The following SLC35A3 variants were observed in gnomAD, a reference collection of about 807,000 sequenced individuals.
SLC35A3 encodes solute carrier family 35 member A3.
Under a neutral mutation model 39.0 loss-of-function variants are expected in SLC35A3, and 26 were observed. The ratio of observed to expected loss-of-function variants is 0.67; its 90% CI spans 0.49 to 0.92. The LOEUF is 0.92. Ranked by LOEUF, SLC35A3 falls within the 40% of genes least tolerant of loss-of-function variation. The probability of loss-of-function intolerance (pLI) is 0.00; values close to 1 mark genes in which losing one functional copy is unlikely to be tolerated. For synonymous variants in SLC35A3, 135 were observed against 133.1 expected (o/e 1.01, Z -0.10); for missense variants, 299 against 371.6 (o/e 0.80, Z 1.61).
chr1:100,003,966 G>C (rs1291330660), intron 3 of SLC35A3, among the ~76,000 whole-genome samples: 1 of 152,152 alleles, frequency 6.6e-6, no homozygotes, highest in East Asian at 1.9e-4. Context: ...TGTTTGCATG[G>C]AATATCTCTC....
chr1:99,990,762 A>C (rs1312953505), intron 1 of SLC35A3, among the ~76,000 whole-genome samples: 1 of 152,154 alleles, frequency 6.6e-6, no homozygotes, highest in African/African-American at 2.4e-5. Context: ...CACATGTTGA[A>C]ATCCTAACTC....
chr1:100,014,729 A>G (rs1443096296), intron 5 of SLC35A3, among the ~76,000 whole-genome samples: 2 of 152,224 alleles, frequency 1.3e-5, no homozygotes, highest in African/African-American at 2.4e-5. Flanking sequence ...TTAGTGCTCC[A>G]AAGTTGGTAA....
chr1:100,009,812 T>C (rs919206739), intron 4 of SLC35A3, among the ~76,000 whole-genome samples: 11 of 152,170 alleles, frequency 7.2e-5, no homozygotes, highest in Non-Finnish European at 1.3e-4. Context: ...GATATAAAGG[T>C]ATCAAAAGGT....
At chr1:99,980,914 GATT>G (rs1392244184) in intron 1 of SLC35A3, among the ~76,000 whole-genome samples, 5 of 152,098 alleles carry the variant, frequency 3.3e-5, no homozygotes, top group Non-Finnish European at 1.5e-5. Flanking sequence ...TTTTCCACGA[GATT>G]ATTATGGATT....
At position 100,024,185 on chromosome 1, in the gene SLC35A3, A is replaced by C. The variant is rs2101515729; in HGVS notation, c.*1709A>C. ...AATGGTAAGATGATTTGGTGGGCAA[A>C]AATGCTTTCTATAATTTGAATATGG... On this transcript the variant is annotated 3_prime_UTR_variant, in exon 8 of 8. Coordinates refer to ENST00000533028, the MANE Select transcript of SLC35A3 (RefSeq NM_012243.3). The C allele has an allele frequency of 6.6e-6, 1 of 152,236 alleles. No homozygotes were observed. Among genetic ancestry groups the C allele is most frequent in the South Asian group, 2.1e-4 (1 of 4,824 alleles). 9.4% of individuals were successfully genotyped at this position (152,236 alleles called of 1,614,324 possible).
intron 7 of SLC35A3, 120 bp downstream of exon 7, chr1:100,017,935 A>G: frequency 2.0e-6 from 1 of 498,978 alleles, no homozygotes; most frequent in Non-Finnish European, 3.4e-6. Flanking sequence ...AAATTTATTT[A>G]ACTATGTTTT....
intron 4 of SLC35A3, 64 bp downstream of exon 4, chr1:100,007,220 G>T: frequency 7.2e-7 from 1 of 1,397,666 alleles, no homozygotes; most frequent in Non-Finnish European, 9.9e-7. Flanking sequence ...TATTTATTTT[G>T]TGTGGAGAAA....
At chr1:99,987,798 G>C (rs568767834) in intron 1 of SLC35A3, among the ~76,000 whole-genome samples, 1 of 152,246 alleles carries the variant, frequency 6.6e-6, no homozygotes, top group African/African-American at 2.4e-5. Context: ...ACTATAAACA[G>C]GGTTCACATT....
At chr1:99,997,689 G>A (rs1438062536) in intron 2 of SLC35A3, among the ~76,000 whole-genome samples, 2 of 150,402 alleles carry the variant, frequency 1.3e-5, no homozygotes, top group African/African-American at 4.9e-5. Flanking sequence ...TTTTTTCTAA[G>A]TATACCTCTC....
chr1:99,982,679 T>C (rs140958458), intron 1 of SLC35A3, among the ~76,000 whole-genome samples: 1 of 152,256 alleles, frequency 6.6e-6, no homozygotes, highest in South Asian at 2.1e-4. Flanking sequence ...TCTTTGAACA[T>C]GAAATAAGCT....
intron 6 of SLC35A3, 56 bp downstream of exon 6, chr1:100,015,476 A>T (rs1229109109): frequency 6.5e-7 from 1 of 1,535,784 alleles, no homozygotes; most frequent in African/African-American, 1.4e-5. Flanking sequence ...TAATATAAAG[A>T]ATCAAAGTAG....
chr1:99,977,305 G>A (rs1016409299), intron 1 of SLC35A3, among the ~76,000 whole-genome samples: 3 of 148,266 alleles, frequency 2.0e-5, no homozygotes, highest in African/African-American at 7.6e-5. Context: ...ATCACCAGAG[G>A]TCAGGAGTTT....
chr1:99,986,214 G>A (rs1393253261), intron 1 of SLC35A3, among the ~76,000 whole-genome samples: 2 of 149,908 alleles, frequency 1.3e-5, no homozygotes, highest in Non-Finnish European at 3.0e-5. Context: ...GCTCGGGCTG[G>A]AGTGCAGTGG....
At position 99,993,608 on chromosome 1, in the gene SLC35A3, C is replaced by G. The variant is rs1409412016; in HGVS notation, c.54C>G (p.Thr18=). The G allele has an allele frequency of 5.6e-6, 9 of 1,613,872 alleles. No individual in the cohort carries two copies. The highest frequency in any genetic ancestry group is 1.7e-6 in the Non-Finnish European group (2 of 1,179,930). ...VSLGILVFQT[T]SLVLTMRYSR... ...TGGGAATTTTGGTCTTTCAGACTAC[C>G]AGTTTGGTTCTAACAATGCGTTATT... The change falls in exon 2 of 8, where the codon ACC becomes ACG. Residue 18 remains threonine (T), a synonymous_variant. Coordinates refer to ENST00000533028, the MANE Select transcript of SLC35A3 (RefSeq NM_012243.3).
Position 99,993,575 on chromosome 1 carries a change from C to G in SLC35A3, c.21C>G (p.Tyr7Ter), listed in dbSNP as rs775151826. Residue 7 changes from tyrosine (Y) to a stop codon, truncating the protein, a stop_gained, in exon 2 of 8, where the codon TAC becomes TAG. Transcript: ENST00000533028. LOFTEE classifies it high-confidence loss of function. ...AAACAATGTTCGCCAACCTAAAATA[C>G]GTTTCCCTGGGAATTTTGGTCTTTC... MFANLK[Y>*]VSLGILVFQT... is the part of the protein sequence containing the mutation. The G allele has an allele frequency of 3.1e-6, 5 of 1,613,802 alleles. No homozygotes were observed. In the Admixed American group the frequency reaches 8.3e-5, roughly 27 times the overall value.
In SLC35A3 at chr1:100,025,253, T is replaced by A. The variant is rs1660845540; in HGVS notation, c.*2777T>A. The A allele has an allele frequency of 1.3e-5, 2 of 152,270 alleles. No individual in the cohort carries two copies. Among genetic ancestry groups the A allele is most frequent in the Non-Finnish European group, 2.9e-5 (2 of 68,054 alleles). 9.4% of individuals were successfully genotyped at this position (152,270 alleles called of 1,614,324 possible). A position where few individuals can be genotyped will look rare whatever the true frequency, so the allele number is the denominator to read the frequency against. ...GAATTCAAGCTGAAATATAATGATTTATGTTTAGCTCACATTGAAGTATTG... is the reference window on the plus strand; with the variant it reads ...GAATTCAAGCTGAAATATAATGATTAATGTTTAGCTCACATTGAAGTATTG... On this transcript the variant is annotated 3_prime_UTR_variant, in exon 8 of 8. Transcript: ENST00000533028.
intron 3 of SLC35A3, among the ~76,000 whole-genome samples, chr1:100,003,605 G>C (rs1208528825): frequency 1.3e-5 from 2 of 152,082 alleles, no homozygotes; most frequent in African/African-American, 4.8e-5. Context: ...GTTAGATGAA[G>C]TGTTTTGTGA....
intron 4 of SLC35A3, chr1:100,009,717 T>G (rs1216870287): frequency 2.6e-5 from 4 of 152,262 alleles, no homozygotes; most frequent in African/African-American, 9.6e-5. Context: ...GAAGAATCAG[T>G]ATGAGTGTTA....
At chr1:100,015,081 C>G (rs367963997) in intron 5 of SLC35A3, among the ~76,000 whole-genome samples, 1 of 148,228 alleles carries the variant, frequency 6.7e-6, no homozygotes, top group African/African-American at 2.5e-5. Flanking sequence ...TTGCTTGAAC[C>G]TGGGAGGTGG....
Sources: allele counts gnomAD v4.1 joint callset (sites outside exome capture counted in the v4.1 genomes callset), GRCh38; gene constraint gnomAD v4.1.1; transcripts MANE v1.5; gene names NCBI Gene and HGNC (gene_info 2026-07-23, HGNC 2026-07-21).